ENKUR: variants seen among roughly 807,000 people sequenced by gnomAD.
The protein encoded by ENKUR is enkurin, TRPC channel interacting protein.
ENKUR carries 19 observed loss-of-function variants against 27.6 expected under a neutral mutation model. That is an observed-to-expected ratio of 0.69 (90% CI 0.48 to 1.01). The LOEUF (loss-of-function observed/expected upper bound fraction) is 1.01, where lower values mean the gene tolerates loss of function less well. Ranked by LOEUF, ENKUR falls within the 50% of genes least tolerant of loss-of-function variation. ENKUR has a pLI of 0.00. For missense variants in ENKUR, 312 were observed against 310.5 expected (o/e 1.00, Z -0.04); for synonymous variants, 117 against 96.9 (o/e 1.21, Z -1.22).
chr10:25,021,784 A>G (rs1850724339), intron 2 of ENKUR: 1 of 152,154 alleles, frequency 6.6e-6, no homozygotes, highest in Admixed American at 6.5e-5. Context: ...AGAGTCAACA[A>G]ACTCTTCAGA....
At chr10:25,035,211 C>T (rs1213803136) in intron 2 of ENKUR, among the ~76,000 whole-genome samples, 2 of 152,156 alleles carry the variant, frequency 1.3e-5, no homozygotes, top group Non-Finnish European at 2.9e-5. Flanking sequence ...AAACTTAAGA[C>T]CTCCTCACCT....
At chr10:25,024,607 G>A (rs202224297) in intron 2 of ENKUR, 4 of 1,614,214 alleles carry the variant, frequency 2.5e-6, no homozygotes, top group South Asian at 1.1e-5. Context: ...TGTGGAATAT[G>A]GAACAATCTT....
chr10:25,026,935 A>G (rs942621834), intron 2 of ENKUR, among the ~76,000 whole-genome samples: 1 of 152,150 alleles, frequency 6.6e-6, no homozygotes, highest in African/African-American at 2.4e-5. Flanking sequence ...CAGTTATAGG[A>G]AAAAAATGGA....
intron 1 of ENKUR, among the ~76,000 whole-genome samples, chr10:25,061,541 G>A (rs1157869617): frequency 6.6e-6 from 1 of 152,208 alleles, no homozygotes; most frequent in Non-Finnish European, 1.5e-5. Flanking sequence ...AGCTTTGGGT[G>A]ACTTTTCCTT....
intron 1 of ENKUR, among the ~76,000 whole-genome samples, chr10:25,005,070 A>C (rs549666616): frequency 5.3e-5 from 8 of 152,150 alleles, no homozygotes; most frequent in African/African-American, 1.9e-4. Flanking sequence ...GATACTTGTA[A>C]GTGGGCAGTC....
rs200739980 is a variant in ENKUR, at chr10:24,990,866, T to TG, written c.448-258dup. Among the ~76,000 whole-genome samples, 244 of 151,414 alleles carry TG rather than the reference T, an allele frequency of 1.6e-3. 1 individual carries two copies. The highest frequency in any genetic ancestry group is 3.5e-3 in the African/African-American group (145 of 41,240). Reference sequence around the variant, plus strand: ...CCCAGCACTTTGGGAGGCTGAGGGGTGGGGGGGTGGATCACTTGAGGTCAG... The same window carrying TG: ...CCCAGCACTTTGGGAGGCTGAGGGGTGGGGGGGGTGGATCACTTGAGGTCAG... On this transcript the variant is annotated intron_variant, in intron 3 of 5. Coordinates refer to ENST00000331161, the MANE Select transcript of ENKUR (RefSeq NM_145010.4).
At chr10:25,026,420 A>G (rs1375635195) in intron 2 of ENKUR, 1 of 167,080 alleles carries the variant, frequency 6.0e-6, no homozygotes, top group Non-Finnish European at 1.5e-5. Flanking sequence ...AATTAAGAGT[A>G]CTTGAGTAGT....
upstream of ENKUR, among the ~76,000 whole-genome samples, chr10:25,020,834 A>G (rs1037730171): frequency 3.3e-5 from 5 of 152,192 alleles, no homozygotes; most frequent in African/African-American, 9.7e-5. Context: ...ATGTATTGCA[A>G]ACTCAAAAAG....
intron 1 of ENKUR, among the ~76,000 whole-genome samples, chr10:25,013,442 T>C (rs1353366230): frequency 1.3e-5 from 2 of 152,334 alleles, no homozygotes; most frequent in East Asian, 1.9e-4. Flanking sequence ...TCAAAATCCA[T>C]ACAGGGTATT....
At position 25,016,052 on chromosome 10, in the gene ENKUR, C is replaced by T. The variant is rs553811671; in HGVS notation, c.-116G>A. Reference sequence around the variant, plus strand: ...CTTTCTTCTTCGCCTTCTGAAGGACCACAGGTTCTCTCCTTCACATCGTCC... The same window carrying T: ...CTTTCTTCTTCGCCTTCTGAAGGACTACAGGTTCTCTCCTTCACATCGTCC... On this transcript the variant is annotated 5_prime_UTR_variant, in exon 1 of 6. Transcript: ENST00000331161. The T allele has an allele frequency of 9.7e-6, 14 of 1,450,728 alleles. No individual in the cohort carries two copies. In the Admixed American group the frequency reaches 3.5e-4, roughly 36 times the overall value. 89.9% of individuals were successfully genotyped at this position (1,450,728 alleles called of 1,614,324 possible).
At chr10:25,045,381 G>A (rs1005829895) in intron 2 of ENKUR, among the ~76,000 whole-genome samples, 3 of 152,006 alleles carry the variant, frequency 2.0e-5, no homozygotes, top group Non-Finnish European at 4.4e-5. Context: ...AAAGTAAGAG[G>A]ATAATATGAT....
rs917531590 is a variant in ENKUR at position 25,055,331 on chromosome 10, A to G, written c.37+5781T>C. 7.8e-5 allele frequency among the ~76,000 whole-genome samples: 11 copies of G among 140,608 alleles called. 1 individual carries two copies. In the East Asian group the frequency reaches 1.0e-3, roughly 13 times the overall value. The allele number at this position is 140,608 out of a possible 152,430, so 92.2% of individuals were successfully genotyped here. A position where few individuals can be genotyped will look rare whatever the true frequency, so the allele number is the denominator to read the frequency against. On this transcript the variant is annotated intron_variant, in intron 2 of 5. Transcript: ENST00000615958. Reference sequence around the variant, plus strand: ...GTGATTTACCATACAGGCCACTTCTAAAAAAAAAAAAAGGTCCTAGTTTTC... The same window carrying G: ...GTGATTTACCATACAGGCCACTTCTGAAAAAAAAAAAAGGTCCTAGTTTTC...
At chr10:25,012,660 A>T (rs1850478413) in intron 1 of ENKUR, among the ~76,000 whole-genome samples, 1 of 152,196 alleles carries the variant, frequency 6.6e-6, no homozygotes, top group Non-Finnish European at 1.5e-5. Flanking sequence ...TCGAATGGTT[A>T]TATTTACCCA....
chr10:24,990,691 A>G, intron 3 of ENKUR, 82 bp from the exon 4 acceptor site: 1 of 1,339,834 alleles, frequency 7.5e-7, no homozygotes, highest in Non-Finnish European at 1.0e-6. Context: ...ATGATGGAAG[A>G]AAAAGAAATG....
chr10:25,036,499 T>C (rs1851010395), intron 2 of ENKUR, among the ~76,000 whole-genome samples: 1 of 152,188 alleles, frequency 6.6e-6, no homozygotes, highest in South Asian at 2.1e-4. Context: ...TTTAAAGTAT[T>C]TGTTCCACTT....
At chr10:25,000,568 C>T (rs544506069) in intron 1 of ENKUR, among the ~76,000 whole-genome samples, 3 of 152,220 alleles carry the variant, frequency 2.0e-5, no homozygotes, top group African/African-American at 7.2e-5. Context: ...TAAAATAACA[C>T]TCTATTCCTT....
intron 2 of ENKUR, among the ~76,000 whole-genome samples, chr10:25,049,998 C>T (rs1326137972): frequency 6.6e-6 from 1 of 151,996 alleles, no homozygotes; most frequent in Non-Finnish European, 1.5e-5. Context: ...GTGAGGGCCT[C>T]AGGAAGCTTC....
At chr10:24,996,005 T>G (rs1232834684) in intron 2 of ENKUR, 136 bp from the exon 3 acceptor site, 2 of 682,384 alleles carry the variant, frequency 2.9e-6, no homozygotes, top group African/African-American at 1.8e-5. Context: ...AAGATAGAAG[T>G]TTATGCTTAC....
At chr10:25,049,783 C>CAA (rs60646580) in intron 2 of ENKUR, among the ~76,000 whole-genome samples, 2,875 of 69,108 alleles carry the variant, frequency 0.042, 238 homozygotes, top group African/African-American at 0.11. Context: ...GACTCCGTCT[C>CAA]AAAAAAAAAA....
Sources: allele counts gnomAD v4.1 joint callset (sites outside exome capture counted in the v4.1 genomes callset), GRCh38; gene constraint gnomAD v4.1.1; transcripts MANE v1.5; gene names NCBI Gene and HGNC (gene_info 2026-07-23, HGNC 2026-07-21).